MAD1L1: variants seen among roughly 807,000 people sequenced by gnomAD.
The protein encoded by MAD1L1 is mitotic arrest deficient 1 like 1, also known as mitotic spindle assembly checkpoint protein MAD1.
A neutral mutation model predicts 96.9 loss-of-function variants in MAD1L1; 95 were observed. That is an observed-to-expected ratio of 0.98 (90% CI 0.83 to 1.16). The LOEUF is 1.16. Ranked by LOEUF, MAD1L1 falls within the 50% of genes most tolerant of loss-of-function variation. The pLI, the probability that MAD1L1 is intolerant of heterozygous loss-of-function variation, is 0.00. For synonymous variants in MAD1L1, 473 were observed against 396.6 expected, an observed-to-expected ratio of 1.19 and a Z score of -2.29; for missense variants, 1,007 against 954.4, an observed-to-expected ratio of 1.06 and a Z score of -0.73.
At chr7:1,847,681 C>T (rs529950952) in intron 18 of MAD1L1, 1 of 470,564 alleles carries the variant, frequency 2.1e-6, no homozygotes, top group African/African-American at 2.0e-5. Flanking sequence ...GACGCATACA[C>T]TGGGGAGACC....
intron 10 of MAD1L1, chr7:2,210,086 C>G (rs1256759000): frequency 1.3e-5 from 2 of 152,210 alleles, no homozygotes; most frequent in African/African-American, 2.4e-5. Flanking sequence ...CAGAAATCCA[C>G]TTTGGTTTTT....
Position 1,913,278 on chromosome 7 carries a change from G to T in MAD1L1, c.1808-14888C>A, listed in dbSNP as rs376157223. ...GACACAGGGCTCTGGAAGGAGAGGG[G>T]CAAGGAGCAGGGTTCTGGGCGGGGT... On this transcript the variant is annotated intron_variant, in intron 17 of 18. Transcript: ENST00000265854. Among the ~76,000 whole-genome samples, 29 of 151,578 alleles carry T rather than the reference G, an allele frequency of 1.9e-4. 1 individual carries two copies. The East Asian group carries it at 4.6e-3, about 24-fold the overall frequency.
chr7:1,937,002 T>A (rs1778651087), intron 16 of MAD1L1, 105 bp from the exon 17 acceptor site: 2 of 836,294 alleles, frequency 2.4e-6, no homozygotes, highest in Non-Finnish European at 3.8e-6. Flanking sequence ...ACAGCACGGG[T>A]CACACACAGC....
chr7:1,845,123 C>T (rs2128635609), intron 18 of MAD1L1, among the ~76,000 whole-genome samples: 1 of 152,318 alleles, frequency 6.6e-6, no homozygotes, highest in Middle Eastern at 3.4e-3. Flanking sequence ...CCTCTTCCCT[C>T]CTAGCAATGC....
intron 18 of MAD1L1, among the ~76,000 whole-genome samples, chr7:1,840,020 G>A (rs944108536): frequency 5.9e-5 from 9 of 152,222 alleles, no homozygotes; most frequent in African/African-American, 1.7e-4. Context: ...CACCTGCAGC[G>A]GGGCCCAGCA....
rs1787543414 is a variant in MAD1L1 at position 2,114,291 on chromosome 7, C to T, written c.1073+34861G>A. On this transcript the variant is annotated intron_variant, in intron 11 of 18. Transcript: ENST00000265854. This position sits in a 1 kb window ranked among gnomAD's most constrained non-coding sequence, Gnocchi z 4.2. ...TCATCCCAAAGGCCATCTCAACACA[C>T]CTCGGGCGGGAGAGCCCTGAGCCAG... Among the ~76,000 whole-genome samples the T allele has an allele frequency of 6.6e-6, 1 of 152,212 alleles. No homozygotes were observed. Among genetic ancestry groups the T allele is most frequent in the Non-Finnish European group, 1.5e-5 (1 of 68,048 alleles).
intron 15 of MAD1L1, among the ~76,000 whole-genome samples, chr7:1,959,705 A>C (rs1187883468): frequency 6.6e-6 from 1 of 152,242 alleles, no homozygotes; most frequent in Non-Finnish European, 1.5e-5. Context: ...AACATCTCCC[A>C]AAACAGAAGC....
chr7:1,885,079 C>T (rs551137831), intron 18 of MAD1L1, among the ~76,000 whole-genome samples: 19 of 152,358 alleles, frequency 1.2e-4, no homozygotes, highest in Admixed American at 6.5e-4. Flanking sequence ...TAGTCATCAC[C>T]ACTGGACCCA....
At chr7:2,197,029 C>T (rs1371240032) in intron 10 of MAD1L1, among the ~76,000 whole-genome samples, 1 of 152,232 alleles carries the variant, frequency 6.6e-6, no homozygotes, top group African/African-American at 2.4e-5. Context: ...GGCGGATGTG[C>T]TCCTCCCTGA....
chr7:1,972,409 C>T (rs1408691067), intron 15 of MAD1L1, among the ~76,000 whole-genome samples: 1 of 152,152 alleles, frequency 6.6e-6, no homozygotes, highest in African/African-American at 2.4e-5. Context: ...TAACCTATTT[C>T]ATCTTGGTCG....
intron 18 of MAD1L1, among the ~76,000 whole-genome samples, chr7:1,873,458 C>A (rs1318876123): frequency 6.6e-6 from 1 of 150,710 alleles, no homozygotes; most frequent in Non-Finnish European, 1.5e-5. Context: ...TGGGGAGGGG[C>A]AGGTGGGGAG....
At chr7:2,206,919 A>C (rs574358818) in intron 10 of MAD1L1, among the ~76,000 whole-genome samples, 1 of 152,024 alleles carries the variant, frequency 6.6e-6, no homozygotes, top group Non-Finnish European at 1.5e-5. Flanking sequence ...CTGTCTCTAC[A>C]AAAATACAAA....
At chr7:2,034,399 T>G (rs1783371941) in intron 12 of MAD1L1, among the ~76,000 whole-genome samples, 1 of 152,068 alleles carries the variant, frequency 6.6e-6, no homozygotes, top group Non-Finnish European at 1.5e-5. Flanking sequence ...TGTATTTTAG[T>G]AGAGACGGGG....
intron 16 of MAD1L1, among the ~76,000 whole-genome samples, chr7:1,946,668 G>C (rs577350422): frequency 9.1e-4 from 139 of 152,358 alleles, no homozygotes; most frequent in African/African-American, 3.1e-3. Context: ...GGGTGCAGCG[G>C]GAGAATGCTG....
chr7:2,177,905 T>G (rs1385623946), intron 10 of MAD1L1, among the ~76,000 whole-genome samples: 1 of 152,192 alleles, frequency 6.6e-6, no homozygotes, highest in Non-Finnish European at 1.5e-5. Flanking sequence ...GGGGACAGGC[T>G]CTGGAGGCAA....
At chr7:2,097,476 T>C (rs1254380081) in intron 11 of MAD1L1, among the ~76,000 whole-genome samples, 1 of 151,896 alleles carries the variant, frequency 6.6e-6, no homozygotes, top group Non-Finnish European at 1.5e-5. Context: ...TTCATCTCAG[T>C]CCACACCACT....
In MAD1L1 at chr7:2,216,214, C is replaced by T. The variant is rs774615413; in HGVS notation, c.752G>A (p.Arg251Gln). ...CAGCTCCCGTTCCAGCCTAGGGAGC[C>T]GTACCAGCTCAGACTTCATGTTCTT... ...IVKNMKSELV[R>Q]LPRLERELKQ... The change falls in exon 8 of 19, where the codon CGG becomes CAG. Residue 251 changes from arginine to glutamine, a missense_variant. By Grantham distance (43) the Arg-to-Gln change is conservative. Coordinates refer to ENST00000265854, the MANE Select transcript of MAD1L1 (RefSeq NM_001013836.2). The T allele has an allele frequency of 1.9e-5, 31 of 1,614,002 alleles. 1 individual carries two copies. The South Asian group carries it at 3.0e-4, about 15-fold the overall frequency.
chr7:1,979,439 A>G (rs1039683784), intron 15 of MAD1L1, among the ~76,000 whole-genome samples: 1 of 152,128 alleles, frequency 6.6e-6, no homozygotes, highest in African/African-American at 2.4e-5. Flanking sequence ...CGCCTCCCAC[A>G]TTGGATTCTG....
At chr7:2,001,667 T>C (rs1781799386) in intron 14 of MAD1L1, among the ~76,000 whole-genome samples, 1 of 152,220 alleles carries the variant, frequency 6.6e-6, no homozygotes, top group Non-Finnish European at 1.5e-5. Flanking sequence ...TGAGGCACTG[T>C]CCCACTGGGG....
Sources: gnomAD v4.1 joint callset for allele counts (sites outside exome capture counted in the v4.1 genomes callset) on GRCh38, gnomAD v4.1.1 for gene constraint, Gnocchi (gnomAD v3.1) non-coding constraint, MANE v1.5 for transcripts, NCBI Gene and HGNC (gene_info 2026-07-23, HGNC 2026-07-21) for gene names.